Variants in TMEM181 observed in about 807,000 individuals in gnomAD.
TMEM181 encodes G protein-coupled receptor 178.
TMEM181 carries 39 observed loss-of-function variants against 71.9 expected under a neutral mutation model. That is an observed-to-expected ratio of 0.54 (90% confidence interval 0.42 to 0.71). The LOEUF (loss-of-function observed/expected upper bound fraction) is 0.71. Ranked by LOEUF, TMEM181 falls within the 30% of genes least tolerant of loss-of-function variation. The pLI is 0.00. For missense variants in TMEM181, 595 were observed against 583.0 expected (o/e 1.02, Z -0.21); for synonymous variants, 245 against 228.8 (o/e 1.07, Z -0.64).
intron 6 of TMEM181, among the ~76,000 whole-genome samples, 153 bp from the exon 7 acceptor site, chr6:158,605,114 C>CA (rs71812545): frequency 1.5e-3 from 62 of 41,892 alleles, no homozygotes; most frequent in East Asian, 3.5e-3. Flanking sequence ...ACTCCATATC[C>CA]AAAAAAAAAA....
intron 10 of TMEM181, among the ~76,000 whole-genome samples, chr6:158,612,863 A>C (rs1009946282): frequency 8.5e-5 from 13 of 152,238 alleles, no homozygotes; most frequent in African/African-American, 3.1e-4. Context: ...TCCTACTGCA[A>C]ATAGTCCAGT....
intron 3 of TMEM181, 128 bp from the exon 4 acceptor site, chr6:158,583,826 A>G (rs993142308): frequency 8.1e-6 from 5 of 617,076 alleles, no homozygotes; most frequent in African/African-American, 3.7e-5. Flanking sequence ...AAAACCTCAC[A>G]TATTTCTGTT....
At chr6:158,566,481 A>G (rs1275502506) in intron 1 of TMEM181, among the ~76,000 whole-genome samples, 1 of 97,070 alleles carries the variant, frequency 1.0e-5, no homozygotes, top group African/African-American at 4.1e-5. Context: ...GGTGATGGTG[A>G]GCTCCTGAGG....
intron 1 of TMEM181, among the ~76,000 whole-genome samples, chr6:158,552,065 GC>G (rs1208341197): frequency 6.6e-6 from 1 of 152,224 alleles, no homozygotes; most frequent in African/African-American, 2.4e-5. Flanking sequence ...AGTTATTTAA[GC>G]AGAGTGGTAA....
At chr6:158,604,716 A>G (rs1784851006) in intron 6 of TMEM181, among the ~76,000 whole-genome samples, 1 of 152,220 alleles carries the variant, frequency 6.6e-6, no homozygotes, top group Non-Finnish European at 1.5e-5. Flanking sequence ...TACATCTTTT[A>G]AAACTTTCTT....
chr6:158,625,831 T>G, intron 13 of TMEM181, 77 bp downstream of exon 13: 4 of 1,317,226 alleles, frequency 3.0e-6, no homozygotes, highest in Non-Finnish European at 4.3e-6. Context: ...TGCCTCCTTT[T>G]GTGGAGTGGA....
chr6:158,621,580 G>A (rs550352087), intron 10 of TMEM181: 7 of 164,614 alleles, frequency 4.3e-5, no homozygotes, highest in Non-Finnish European at 8.2e-5. Context: ...CGCTTGCTGG[G>A]ACACCTTCCC....
At chr6:158,625,832 G>A in intron 13 of TMEM181, 78 bp downstream of exon 13, 2 of 1,315,002 alleles carry the variant, frequency 1.5e-6, no homozygotes. Flanking sequence ...GCCTCCTTTT[G>A]TGGAGTGGAT....
intron 10 of TMEM181, among the ~76,000 whole-genome samples, chr6:158,619,545 C>G (rs1274488510): frequency 6.6e-6 from 1 of 152,106 alleles, no homozygotes; most frequent in Middle Eastern, 3.4e-3. Flanking sequence ...GAAGGAGAGA[C>G]CTAGGGAGGG....
chr6:158,587,622 G>T (rs9347241), intron 5 of TMEM181, among the ~76,000 whole-genome samples: 1 of 150,720 alleles, frequency 6.6e-6, no homozygotes, highest in East Asian at 1.9e-4. Flanking sequence ...GCACCACCGT[G>T]CCTGGCTTCC....
At chr6:158,587,565 A>G (rs1272520413) in intron 5 of TMEM181, among the ~76,000 whole-genome samples, 3 of 151,792 alleles carry the variant, frequency 2.0e-5, no homozygotes, top group African/African-American at 7.3e-5. Context: ...CCTGGGCTCA[A>G]GCAATCCTCC....
At chr6:158,630,901 C>T (rs1451755907) in intron 15 of TMEM181, among the ~76,000 whole-genome samples, 1 of 152,124 alleles carries the variant, frequency 6.6e-6, no homozygotes, top group Non-Finnish European at 1.5e-5. Context: ...TTAAGCTTCA[C>T]AGCAACTTTA....
At position 158,581,512 on chromosome 6, in the gene TMEM181, G is replaced by C. The variant is rs1458927547; in HGVS notation, c.168+517G>C. On this transcript the variant is annotated intron_variant, in intron 3 of 16. Coordinates refer to ENST00000684151, the MANE Select transcript of TMEM181 (RefSeq NM_001376852.1). ...CTCATGCCTGTAATCCCAGCACTTT[G>C]GGAAGCTGAGGTGAGCTGATCACGA... Among the ~76,000 whole-genome samples the C allele has an allele frequency of 2.0e-5, 3 of 152,108 alleles. No homozygotes were observed. The East Asian group carries it at 5.8e-4, about 29-fold the overall frequency.
At chr6:158,556,999 CAAA>C (rs1562617997), upstream of TMEM181, among the ~76,000 whole-genome samples, 1 of 152,184 alleles carries the variant, frequency 6.6e-6, no homozygotes, top group Non-Finnish European at 1.5e-5. Context: ...TTCAGCCTCC[CAAA>C]GTGCTGGGAT....
At position 158,562,446 on chromosome 6, in the gene TMEM181, T is replaced by TTGTGTGTGTGTGTG. The variant is rs58150738; in HGVS notation, c.8+2230_8+2243dup. On this transcript the variant is annotated intron_variant, in intron 1 of 16. Coordinates refer to ENST00000684151, the MANE Select transcript of TMEM181 (RefSeq NM_001376852.1). The stretch of plus-strand genomic sequence containing the variant: ...TCTGCAAATTTAAATAAGGCTGTTT[T>TTGTGTGTGTGTGTG]TGTGTGTGTGTGTGTGTGTGTGTGT... Among the ~76,000 whole-genome samples the TTGTGTGTGTGTGTG allele has an allele frequency of 4.0e-3, 559 of 141,184 alleles. 1 individual carries two copies. The highest frequency in any genetic ancestry group is 0.012 in the African/African-American group (460 of 37,356). 92.6% of individuals were successfully genotyped at this position (141,184 alleles called of 152,430 possible).
intron 5 of TMEM181, 81 bp from the exon 6 acceptor site, chr6:158,589,591 G>A: frequency 2.8e-6 from 3 of 1,085,656 alleles, no homozygotes; most frequent in Non-Finnish European, 2.8e-6. Flanking sequence ...ATCTGCTGTT[G>A]AAACGTGTTA....
intron 2 of TMEM181, 131 bp downstream of exon 2, chr6:158,573,654 A>G (rs1296849518): frequency 2.7e-6 from 2 of 752,214 alleles, no homozygotes; most frequent in East Asian, 2.7e-5. Flanking sequence ...AAGTGTCCAC[A>G]GGGTGGATGG....
intron 1 of TMEM181, among the ~76,000 whole-genome samples, chr6:158,547,373 T>C (rs1781560423): frequency 6.6e-6 from 1 of 152,218 alleles, no homozygotes; most frequent in Non-Finnish European, 1.5e-5. Context: ...TGGGTTTTTT[T>C]TAAAGCTCCC....
chr6:158,591,097 T>TC (rs1384484841), intron 6 of TMEM181, among the ~76,000 whole-genome samples: 2 of 152,228 alleles, frequency 1.3e-5, no homozygotes, highest in African/African-American at 4.8e-5. Flanking sequence ...GTTAATCCCT[T>TC]CATCAGGTGA....
Sources: gnomAD v4.1 joint callset for allele counts (sites outside exome capture counted in the v4.1 genomes callset) on GRCh38, gnomAD v4.1.1 for gene constraint, MANE v1.5 for transcripts, NCBI Gene and HGNC (gene_info 2026-07-23, HGNC 2026-07-21) for gene names.